GRK4: variants seen among roughly 807,000 people sequenced by gnomAD.
GRK4 encodes G protein-coupled receptor kinase 4, also known as G protein-coupled receptor kinase 2-like.
In GRK4, 73 loss-of-function variants were observed where a neutral mutation model predicts 77.9. The ratio of observed to expected loss-of-function variants is 0.94; its 90% CI spans 0.78 to 1.14. The LOEUF (loss-of-function observed/expected upper bound fraction) is 1.14, where lower values mean the gene tolerates loss of function less well. Among genes scored for constraint, GRK4 ranks in the 50% most tolerant of loss-of-function variants. The pLI is 0.00. For synonymous variants in GRK4, 257 were observed against 254.4 expected (o/e 1.01, Z -0.10); for missense variants, 729 against 700.2 (o/e 1.04, Z -0.46).
At chr4:2,983,640 T>C (rs1468393839) in intron 1 of GRK4, among the ~76,000 whole-genome samples, 1 of 152,182 alleles carries the variant, frequency 6.6e-6, no homozygotes, top group Non-Finnish European at 1.5e-5. Context: ...ACCTTTACCC[T>C]GCTTGATTTT....
At chr4:2,974,373 A>AATGT (rs1345611777) in intron 1 of GRK4, among the ~76,000 whole-genome samples, 50 of 152,226 alleles carry the variant, frequency 3.3e-4, no homozygotes, top group African/African-American at 1.2e-3. Context: ...TGAATGAATG[A>AATGT]ATGTATGAAT....
intron 4 of GRK4, among the ~76,000 whole-genome samples, chr4:3,001,087 ATATG>A (rs1176395447): frequency 1.2e-5 from 1 of 82,052 alleles, no homozygotes. Context: ...ATATATATAT[ATATG>A]TGTGTGTGTG....
At chr4:2,974,494 C>T (rs559027398) in intron 1 of GRK4, among the ~76,000 whole-genome samples, 21 of 152,280 alleles carry the variant, frequency 1.4e-4, no homozygotes, top group Non-Finnish European at 2.2e-4. Flanking sequence ...CACTCAAAAA[C>T]GGTTTATTGT....
chr4:3,028,255 G>C (rs1209659457), intron 11 of GRK4, among the ~76,000 whole-genome samples: 1 of 152,140 alleles, frequency 6.6e-6, no homozygotes, highest in Admixed American at 6.5e-5. Context: ...GCGAAGTGAG[G>C]GCAGAATCGG....
chr4:2,996,041 G>C (rs766383590), intron 4 of GRK4, among the ~76,000 whole-genome samples: 70 of 152,152 alleles, frequency 4.6e-4, no homozygotes, highest in Middle Eastern at 6.8e-3. Context: ...CTGATAATTC[G>C]AAGGGGCTCA....
At chr4:2,974,664 A>G (rs1720561932) in intron 1 of GRK4, among the ~76,000 whole-genome samples, 1 of 152,132 alleles carries the variant, frequency 6.6e-6, no homozygotes, top group Non-Finnish European at 1.5e-5. Flanking sequence ...AAGTGGGTAC[A>G]CCCGTTTTTG....
chr4:2,997,284 A>G (rs1336898753), intron 4 of GRK4, among the ~76,000 whole-genome samples: 1 of 152,230 alleles, frequency 6.6e-6, no homozygotes, highest in Non-Finnish European at 1.5e-5. Context: ...CTGAAAATCA[A>G]TTACTATAAT....
At chr4:2,976,178 CTCTTTCTCTCTT>C (rs1163724045) in intron 1 of GRK4, among the ~76,000 whole-genome samples, 9 of 151,974 alleles carry the variant, frequency 5.9e-5, no homozygotes, top group Admixed American at 5.9e-4. Flanking sequence ...TGTTTTCTTT[CTCTTTCTCTCTT>C]TCTTTCTCTC....
chr4:2,965,834 A>G (rs1157703898), intron 1 of GRK4: 8 of 239,684 alleles, frequency 3.3e-5, no homozygotes, highest in Non-Finnish European at 3.3e-5. Context: ...CTCAGCAGCC[A>G]TTTTCAGTGG....
At chr4:3,001,348 C>T (rs1183004653) in intron 4 of GRK4, among the ~76,000 whole-genome samples, 23 of 120,322 alleles carry the variant, frequency 1.9e-4, no homozygotes, top group African/African-American at 6.6e-4. Context: ...CACACACACA[C>T]ACACACATAT....
chr4:2,996,751 G>T (rs1215888830), intron 4 of GRK4, among the ~76,000 whole-genome samples: 1 of 151,626 alleles, frequency 6.6e-6, no homozygotes, highest in Non-Finnish European at 1.5e-5. Flanking sequence ...CCATCAACTG[G>T]GGAAACTGCC....
At chr4:2,990,013 T>C (rs930657556) in intron 3 of GRK4, among the ~76,000 whole-genome samples, 1 of 152,204 alleles carries the variant, frequency 6.6e-6, no homozygotes, top group South Asian at 2.1e-4. Flanking sequence ...CAAATATGTA[T>C]TGAGTGCTTA....
chr4:3,019,587 TCAC>T, intron 8 of GRK4, 51 bp from the exon 9 acceptor site: 1 of 1,377,134 alleles, frequency 7.3e-7, no homozygotes, highest in South Asian at 1.3e-5. Context: ...ATAGAGGAAA[TCAC>T]CAATGAAAGA....
intron 1 of GRK4, among the ~76,000 whole-genome samples, chr4:2,981,431 T>C (rs1722841211): frequency 6.6e-6 from 1 of 152,196 alleles, no homozygotes; most frequent in African/African-American, 2.4e-5. Flanking sequence ...GTAGCTCCTT[T>C]CTGCAGGCAG....
intron 3 of GRK4, among the ~76,000 whole-genome samples, chr4:2,990,334 G>A (rs995065407): frequency 1.5e-5 from 2 of 137,476 alleles, no homozygotes; most frequent in African/African-American, 5.5e-5. Context: ...CCAGCTCACT[G>A]CAACCTCCGC....
intron 1 of GRK4, among the ~76,000 whole-genome samples, chr4:2,974,396 C>T (rs928749579): frequency 3.3e-5 from 5 of 152,202 alleles, no homozygotes; most frequent in African/African-American, 1.2e-4. Flanking sequence ...CAGTTAAGAT[C>T]ATGGGCTTTG....
At chr4:3,015,592 G>A (rs1468483078) in intron 8 of GRK4, among the ~76,000 whole-genome samples, 2 of 151,218 alleles carry the variant, frequency 1.3e-5, no homozygotes, top group African/African-American at 2.4e-5. Context: ...GGAGAATGGC[G>A]TGAACCCCGG....
intron 10 of GRK4, among the ~76,000 whole-genome samples, chr4:3,025,338 C>T (rs753683993): frequency 1.3e-5 from 2 of 149,996 alleles, no homozygotes; most frequent in Non-Finnish European, 3.0e-5. Context: ...CAGCTGGATA[C>T]ACCATTAGGT....
Position 3,015,534 on chromosome 4 carries a change from G to A in GRK4, c.741+1706G>A, listed in dbSNP as rs190444127. On this transcript the variant is annotated intron_variant, in intron 8 of 15. Transcript: ENST00000398052. ...ACTAAAAATACAAAGAATTAGCCAG[G>A]CGTGGTGGCAGGCGCCTGTAGTCCC... 3.3e-3 allele frequency among the ~76,000 whole-genome samples: 509 copies of A among 152,150 alleles called. 3 individuals are homozygous for A. The highest frequency in any genetic ancestry group is 5.7e-3 in the Non-Finnish European group (386 of 68,000).
Sources: gnomAD v4.1 joint callset for allele counts (sites outside exome capture counted in the v4.1 genomes callset) on GRCh38, gnomAD v4.1.1 for gene constraint, MANE v1.5 for transcripts, NCBI Gene and HGNC (gene_info 2026-07-23, HGNC 2026-07-21) for gene names.